Variants in SLC3A1 observed in about 807,000 individuals in gnomAD.
The protein encoded by SLC3A1 is amino acid transporter heavy chain SLC3A1.
In SLC3A1, 78 loss-of-function variants were observed where a neutral mutation model predicts 60.3. The observed-to-expected ratio is 1.29, with a 90% CI of 1.08 to 1.56. The LOEUF is 1.56. SLC3A1 is among the 40% of genes most tolerant of loss of function. The pLI is 0.00. For missense variants in SLC3A1, 1,172 were observed against 858.9 expected, an observed-to-expected ratio of 1.36 and a Z score of -4.56; for synonymous variants, 392 against 307.9, an observed-to-expected ratio of 1.27 and a Z score of -2.86.
intron 4 of SLC3A1, among the ~76,000 whole-genome samples, chr2:44,290,633 C>A (rs1671721210): frequency 6.7e-6 from 1 of 149,488 alleles, no homozygotes; most frequent in Non-Finnish European, 1.5e-5. Context: ...GAGTACATGT[C>A]TTGTACTTCT....
chr2:44,301,049 C>G lies in SLC3A1; in HGVS notation c.1058C>G (p.Thr353Arg), dbSNP rs765390126. The G allele has an allele frequency of 6.2e-7, 1 of 1,614,068 alleles. No individual in the cohort carries two copies. The highest frequency in any genetic ancestry group is 1.3e-5 in the African/African-American group (1 of 75,046). ...YSELYHDFTTTQVGMHDIVRS... is the reference protein window; with the variant it reads ...YSELYHDFTTRQVGMHDIVRS... Reference sequence around the variant, plus strand: ...GAGCTGTACCATGACTTCACCACCACGCAGGTGGGAATGCACGACATTGTC... The same window carrying G: ...GAGCTGTACCATGACTTCACCACCAGGCAGGTGGGAATGCACGACATTGTC... The change falls in exon 6 of 10, where the codon ACG becomes AGG. Residue 353 changes from threonine (T) to arginine (R), a missense_variant. By Grantham distance (71) the Thr-to-Arg change is moderately conservative. Coordinates refer to ENST00000260649, the MANE Select transcript of SLC3A1 (RefSeq NM_000341.4).
chr2:44,313,405 G>T (rs1018740730), intron 8 of SLC3A1, among the ~76,000 whole-genome samples: 1 of 152,052 alleles, frequency 6.6e-6, no homozygotes, highest in Non-Finnish European at 1.5e-5. Context: ...CTACATTTGT[G>T]TGTGTGCACT....
At chr2:44,294,553 T>C (rs958848333) in intron 4 of SLC3A1, among the ~76,000 whole-genome samples, 2 of 151,852 alleles carry the variant, frequency 1.3e-5, no homozygotes, top group African/African-American at 4.8e-5. Context: ...CAGCAATACC[T>C]TATTTACTCC....
intron 1 of SLC3A1, among the ~76,000 whole-genome samples, chr2:44,278,449 AAAAT>A (rs542664708): frequency 2.0e-5 from 3 of 151,464 alleles, no homozygotes; most frequent in Admixed American, 6.6e-5. Flanking sequence ...CTCCATCTCA[AAAAT>A]AAATAAATAA....
At chr2:44,282,754 C>G (rs917019189) in intron 3 of SLC3A1, among the ~76,000 whole-genome samples, 1 of 152,050 alleles carries the variant, frequency 6.6e-6, no homozygotes, top group Non-Finnish European at 1.5e-5. Context: ...GCCTCCTGGG[C>G]TCAAGCAATC....
At chr2:44,318,009 A>C (rs1241952494) in intron 9 of SLC3A1, 1 of 353,804 alleles carries the variant, frequency 2.8e-6, no homozygotes, top group East Asian at 1.0e-4. Context: ...CAAAAAATGA[A>C]GTTATCTTTT....
In SLC3A1 at chr2:44,300,080, C is replaced by G. The variant is rs770456987; in HGVS notation, c.1001C>G (p.Thr334Ser). Residue 334 changes from threonine to serine, a missense_variant, in exon 5 of 10, where the codon ACC becomes AGC. Transcript: ENST00000260649. ...HLRDEIQVNK[T>S]QIPDTVTQYS... is the part of the protein sequence containing the mutation. ...AGAGATGAGATCCAAGTAAATAAGA[C>G]CCAAATCCCGGTAAAGTTTTATTTT... 1 of 1,613,886 alleles carries G rather than the reference C, an allele frequency of 6.2e-7. No homozygotes were observed. Among genetic ancestry groups the G allele is most frequent in the South Asian group, 1.1e-5 (1 of 91,074 alleles).
At chr2:44,280,523 C>G (rs556722967) in intron 1 of SLC3A1, among the ~76,000 whole-genome samples, 193 bp from the exon 2 acceptor site, 6 of 152,168 alleles carry the variant, frequency 3.9e-5, no homozygotes, top group Non-Finnish European at 5.9e-5. Context: ...CAGGCGTGAA[C>G]CACTACACCC....
At position 44,280,788 on chromosome 2, in the gene SLC3A1, C is replaced by A; in HGVS notation, c.503C>A (p.Ser168Ter). Residue 168 changes from serine (S) to a stop codon, truncating the protein, a stop_gained, in exon 2 of 10, where the codon TCG becomes TAG. Coordinates refer to ENST00000260649, the MANE Select transcript of SLC3A1 (RefSeq NM_000341.4). LOFTEE classifies it high-confidence loss of function. ...KTVWITSFYK[S>*]SLKDFRYGVE... is the part of the protein sequence containing the mutation. ...GTTTGGATTACTTCATTTTATAAAT[C>A]GTCCCTTAAAGATTTCAGATATGGT... is the stretch of plus-strand genomic sequence containing the variant. 1 of 1,611,432 alleles carries A rather than the reference C, an allele frequency of 6.2e-7. No homozygotes were observed. Among genetic ancestry groups the A allele is most frequent in the Non-Finnish European group, 8.5e-7 (1 of 1,177,602 alleles).
chr2:44,316,656 G>T (rs1572820109), intron 9 of SLC3A1, among the ~76,000 whole-genome samples: 1 of 152,174 alleles, frequency 6.6e-6, no homozygotes, highest in South Asian at 2.1e-4. Flanking sequence ...TACTCAGAAA[G>T]AAACCAAACC....
chr2:44,318,692 G>A (rs892878717), intron 9 of SLC3A1: 1 of 151,858 alleles, frequency 6.6e-6, no homozygotes, highest in Admixed American at 6.6e-5. Flanking sequence ...GTGAAGCTAT[G>A]GAAAGGTGTT....
intron 4 of SLC3A1, among the ~76,000 whole-genome samples, chr2:44,288,916 C>T (rs756554793): frequency 2.6e-5 from 4 of 151,994 alleles, no homozygotes; most frequent in Non-Finnish European, 5.9e-5. Flanking sequence ...CTCACTGCAA[C>T]CCCAGTCTCC....
In SLC3A1 at chr2:44,320,390, A is replaced by C. The variant is rs746978183; in HGVS notation, c.1809A>C (p.Thr603=). ...TGGTTCTGAATTTTGGAGAATCAAC[A>C]CTGTTAAATCTACATAATATGATTT... ...FIVVLNFGES[T]LLNLHNMISG... is the part of the protein sequence containing the mutation. The change falls in exon 10 of 10, where the codon ACA becomes ACC. Residue 603 remains threonine (T), a synonymous_variant. Coordinates refer to ENST00000260649, the MANE Select transcript of SLC3A1 (RefSeq NM_000341.4). 9.1e-5 allele frequency: 147 copies of C among 1,613,970 alleles called. No individual in the cohort carries two copies. The highest frequency in any genetic ancestry group is 1.2e-4 in the Non-Finnish European group (142 of 1,179,938).
chr2:44,313,380 T>TC lies in SLC3A1; in HGVS notation c.1501-452dup, dbSNP rs566038313. Among the ~76,000 whole-genome samples the TC allele has an allele frequency of 2.5e-3, 383 of 152,296 alleles. 1 individual carries two copies. Among genetic ancestry groups the TC allele is most frequent in the Middle Eastern group, 0.01 (3 of 294 alleles). On this transcript the variant is annotated intron_variant, in intron 8 of 9. Coordinates refer to ENST00000260649, the MANE Select transcript of SLC3A1 (RefSeq NM_000341.4). ...ATATTTGATTAAGGTGAAGCTTTTTTCCCTCTATCAGCTCCTACATTTGTG... is the reference window on the plus strand; with the variant it reads ...ATATTTGATTAAGGTGAAGCTTTTTTCCCCTCTATCAGCTCCTACATTTGTG...
chr2:44,287,104 C>T lies in SLC3A1; in HGVS notation c.891+947C>T, dbSNP rs934383543. ...TCCGTGCCAGGCCCTGTTCTAAGCA[C>T]TGGGAATGCAGCAGTGAATAAAAGA... On this transcript the variant is annotated intron_variant, in intron 4 of 9. Coordinates refer to ENST00000260649, the MANE Select transcript of SLC3A1 (RefSeq NM_000341.4). 2.0e-5 allele frequency among the ~76,000 whole-genome samples: 3 copies of T among 152,172 alleles called. No homozygotes were observed. In the South Asian group the frequency reaches 6.2e-4, roughly 32 times the overall value.
intron 1 of SLC3A1, among the ~76,000 whole-genome samples, chr2:44,279,085 G>A (rs1042119297): frequency 1.3e-5 from 2 of 150,884 alleles, no homozygotes; most frequent in African/African-American, 2.4e-5. Context: ...TACAACCTCC[G>A]CCTCCCAGGT....
At chr2:44,313,636 G>A (rs1391230054) in intron 8 of SLC3A1, among the ~76,000 whole-genome samples, 199 bp from the exon 9 acceptor site, 1 of 152,210 alleles carries the variant, frequency 6.6e-6, no homozygotes, top group African/African-American at 2.4e-5. Context: ...AACTCAAAAT[G>A]TTATTAGGTA....
rs370023281 is a variant in SLC3A1, at chr2:44,304,264, T to G, written c.1258T>G (p.Ser420Ala). The change falls in exon 7 of 10, where the codon TCT (serine) becomes GCT (alanine). Residue 420 changes from serine to alanine, a missense_variant. By Grantham distance (99) the Ser-to-Ala change is moderately conservative. Coordinates refer to ENST00000260649, the MANE Select transcript of SLC3A1 (RefSeq NM_000341.4). The part of the protein sequence containing the change: ...NNYLSMLDTV[S>A]GNSVYEVITS... Reference sequence around the variant, plus strand: ...TTACCTCAGCATGCTAGACACTGTTTCTGGGAACAGCGTGTATGAGGTTAT... The same window carrying G: ...TTACCTCAGCATGCTAGACACTGTTGCTGGGAACAGCGTGTATGAGGTTAT... 5 of 1,614,170 alleles carry G rather than the reference T, an allele frequency of 3.1e-6. No homozygotes were observed. Among genetic ancestry groups the G allele is most frequent in the South Asian group, 1.1e-5 (1 of 91,086 alleles).
intron 3 of SLC3A1, 109 bp downstream of exon 3, chr2:44,281,650 G>C (rs932210980): frequency 5.1e-5 from 51 of 1,007,866 alleles, no homozygotes; most frequent in East Asian, 7.6e-5. Flanking sequence ...ATAGTTTATC[G>C]GAAGGGGGCA....
Sources: allele counts gnomAD v4.1 joint callset (sites outside exome capture counted in the v4.1 genomes callset), GRCh38; gene constraint gnomAD v4.1.1; transcripts MANE v1.5; gene names NCBI Gene and HGNC (gene_info 2026-07-23, HGNC 2026-07-21).